HTATIP2: variants seen among roughly 807,000 people sequenced by gnomAD.
HTATIP2 encodes the protein HIV-1 Tat interactive protein 2, also known as protein HTATIP2.
Under a neutral mutation model 24.7 loss-of-function variants are expected in HTATIP2, and 26 were observed. That is an observed-to-expected ratio of 1.05 (90% CI 0.77 to 1.46). The LOEUF is 1.46. HTATIP2 is among the 40% of genes most tolerant of loss of function. The pLI, the probability that HTATIP2 is intolerant of heterozygous loss-of-function variation, is 0.00. For synonymous variants in HTATIP2, 99 were observed against 113.2 expected (o/e 0.87, Z 0.79); for missense variants, 284 against 289.6 (o/e 0.98, Z 0.14).
At chr11:20,370,672 C>T (rs902086915) in intron 2 of HTATIP2, among the ~76,000 whole-genome samples, 8 of 151,954 alleles carry the variant, frequency 5.3e-5, no homozygotes, top group Admixed American at 1.3e-4. Flanking sequence ...TTTTTTGAGA[C>T]GGAGTCTCGC....
chr11:20,382,572 A>G (rs921686212), intron 4 of HTATIP2, among the ~76,000 whole-genome samples: 2 of 152,126 alleles, frequency 1.3e-5, no homozygotes, highest in Non-Finnish European at 2.9e-5. Context: ...TAAACAACAG[A>G]AATTTTTTTT....
Position 20,383,166 on chromosome 11 carries a change from C to T in HTATIP2, c.690C>T (p.Ile230=), listed in dbSNP as rs1479725365. The T allele has an allele frequency of 3.1e-6, 5 of 1,613,944 alleles. No homozygotes were observed. The highest frequency in any genetic ancestry group is 4.2e-6 in the Non-Finnish European group (5 of 1,179,968). The change falls in exon 5 of 5, where the codon ATC becomes ATT. Residue 230 remains isoleucine, a synonymous_variant. Transcript: ENST00000451739. ...KQMELLENKA[I]HDLGKAHGSL... ...TGGAACTGCTGGAGAACAAGGCCAT[C>T]CATGACCTGGGGAAAGCGCATGGCT...
At chr11:20,380,477 C>T (rs944135102) in intron 3 of HTATIP2, among the ~76,000 whole-genome samples, 1 of 152,054 alleles carries the variant, frequency 6.6e-6, no homozygotes, top group Non-Finnish European at 1.5e-5. Flanking sequence ...TTGAGACCAT[C>T]CTGGCTAACA....
At chr11:20,380,671 CAAAA>C (rs35392320) in intron 3 of HTATIP2, among the ~76,000 whole-genome samples, 1 of 81,882 alleles carries the variant, frequency 1.2e-5, no homozygotes. Flanking sequence ...GACTCCATCT[CAAAA>C]AAAAAAAAAA....
intron 1 of HTATIP2, among the ~76,000 whole-genome samples, chr11:20,366,874 C>G (rs1018246464): frequency 6.6e-6 from 1 of 152,300 alleles, no homozygotes; most frequent in Middle Eastern, 3.4e-3. Context: ...TCAGTGGTCT[C>G]CTTCCTGGTT....
At chr11:20,365,297 A>G (rs188519904) in intron 1 of HTATIP2, among the ~76,000 whole-genome samples, 15 of 152,238 alleles carry the variant, frequency 9.9e-5, no homozygotes, top group Admixed American at 2.6e-4. Context: ...CCTAAGTTAC[A>G]CTTTTATGAT....
intron 3 of HTATIP2, among the ~76,000 whole-genome samples, chr11:20,379,667 A>G (rs1328856251): frequency 6.6e-6 from 1 of 152,200 alleles, no homozygotes; most frequent in Admixed American, 6.5e-5. Flanking sequence ...TGTGGAGCCC[A>G]GAGTACTGGA....
chr11:20,367,765 ACT>A (rs1264745317), intron 2 of HTATIP2: 1 of 656,114 alleles, frequency 1.5e-6, no homozygotes, highest in Non-Finnish European at 1.9e-6. Context: ...TCCAGCGATG[ACT>A]CAGCCTTCAG....
intron 2 of HTATIP2, among the ~76,000 whole-genome samples, chr11:20,370,048 A>C (rs2064755107): frequency 6.6e-6 from 1 of 152,226 alleles, no homozygotes; most frequent in Non-Finnish European, 1.5e-5. Flanking sequence ...GATCTACTGC[A>C]TCAGCATCTC....
Position 20,376,724 on chromosome 11 carries a change from G to T in HTATIP2, c.441+7G>T, listed in dbSNP as rs776971194. 1.3e-6 allele frequency: 2 copies of T among 1,597,382 alleles called. No individual in the cohort carries two copies. The highest frequency in any genetic ancestry group is 1.7e-6 in the Non-Finnish European group (2 of 1,174,508). ...TTTATATCTACAAGTTAAGGTTTGT[G>T]CAAGTTTCTGTTTTTCATACACTTT... On this transcript the variant is annotated splice_region_variant and intron_variant, in intron 3 of 4. Transcript: ENST00000451739.
At chr11:20,367,760 C>T (rs1259650127) in intron 2 of HTATIP2, 3 of 695,230 alleles carry the variant, frequency 4.3e-6, no homozygotes, top group African/African-American at 3.9e-5. Context: ...CAGCCTCCAG[C>T]GATGACTCAG....
At chr11:20,381,897 C>G (rs546632710) in intron 3 of HTATIP2, among the ~76,000 whole-genome samples, 11 of 152,266 alleles carry the variant, frequency 7.2e-5, no homozygotes, top group African/African-American at 2.2e-4. Flanking sequence ...GTATGACTTA[C>G]CCTCTCTGAA....
Position 20,383,419 on chromosome 11 carries a change from G to A in HTATIP2, c.*214G>A. 1 of 517,818 alleles carries A rather than the reference G, an allele frequency of 1.9e-6. No homozygotes were observed. The highest frequency in any genetic ancestry group is 3.4e-6 in the Non-Finnish European group (1 of 295,194). 32.1% of individuals were successfully genotyped at this position (517,818 alleles called of 1,614,324 possible). A position where few individuals can be genotyped will look rare whatever the true frequency, so the allele number is the denominator to read the frequency against. Reference sequence around the variant, plus strand: ...GGGAGCTTTGGAAAAATAAAGATTTGTCAGCCCTATCTCAAACTTGAATCA... The same window carrying A: ...GGGAGCTTTGGAAAAATAAAGATTTATCAGCCCTATCTCAAACTTGAATCA... On this transcript the variant is annotated 3_prime_UTR_variant, in exon 5 of 5. Coordinates refer to ENST00000451739, the MANE Select transcript of HTATIP2 (RefSeq NM_001098522.2).
rs1363937571 is a variant in HTATIP2 at position 20,367,600 on chromosome 11, T to G, written c.303+319T>G. 10 of 1,347,574 alleles carry G rather than the reference T, an allele frequency of 7.4e-6. No homozygotes were observed. The South Asian group carries it at 1.8e-4, about 24-fold the overall frequency. The allele number at this position is 1,347,574 out of a possible 1,614,324, so 83.5% of individuals were successfully genotyped here. On this transcript the variant is annotated intron_variant, in intron 2 of 4. Transcript: ENST00000451739. The stretch of plus-strand genomic sequence containing the variant: ...ATGATGTCTGAGTAAAACTAATTGG[T>G]TTATGCTGTTAACAATCAGCTGTTT...
At chr11:20,372,077 C>G (rs1442796349) in intron 2 of HTATIP2, among the ~76,000 whole-genome samples, 2 of 151,954 alleles carry the variant, frequency 1.3e-5, no homozygotes, top group South Asian at 4.2e-4. Context: ...ATAGACCCAC[C>G]CTTCTTGGAA....
intron 2 of HTATIP2, chr11:20,376,292 A>T: frequency 2.5e-6 from 1 of 393,056 alleles, no homozygotes; most frequent in East Asian, 5.3e-5. Flanking sequence ...GCCTGATCTT[A>T]CTGTTCCCTT....
In HTATIP2 at chr11:20,363,817, C is replaced by G. The variant is rs940778400; in HGVS notation, c.-421C>G. The G allele has an allele frequency of 3.2e-6, 4 of 1,245,206 alleles. No homozygotes were observed. Among genetic ancestry groups the G allele is most frequent in the Non-Finnish European group, 4.0e-6 (4 of 989,798 alleles). The allele number at this position is 1,245,206 out of a possible 1,614,324, so 77.1% of individuals were successfully genotyped here. ...AGGGAAGGTGGGATGCTCTGATGGC[C>G]GGGCCTGCGGCGCTGAGCGCGGCGG... On this transcript the variant is annotated 5_prime_UTR_variant, in exon 1 of 5. Transcript: ENST00000451739.
chr11:20,364,057 C>T lies in HTATIP2; in HGVS notation c.-181C>T. The T allele has an allele frequency of 3.7e-6, 5 of 1,359,210 alleles. No individual in the cohort carries two copies. Among genetic ancestry groups the T allele is most frequent in the Non-Finnish European group, 4.7e-6 (5 of 1,056,634 alleles). 84.2% of individuals were successfully genotyped at this position (1,359,210 alleles called of 1,614,324 possible). ...GCCCCTTCCGATGGGTCTGCTGGCTCAGGTGCGGGCGATGGCCGGGGAGCC... is the reference window on the plus strand; with the variant it reads ...GCCCCTTCCGATGGGTCTGCTGGCTTAGGTGCGGGCGATGGCCGGGGAGCC... On this transcript the variant is annotated 5_prime_UTR_variant, in exon 1 of 5. The change creates a premature stop within an existing upstream ORF in the 5' untranslated region. Transcript: ENST00000451739.
At chr11:20,366,307 A>G (rs989471730) in intron 1 of HTATIP2, among the ~76,000 whole-genome samples, 5 of 151,394 alleles carry the variant, frequency 3.3e-5, no homozygotes, top group Admixed American at 6.6e-5. Context: ...GGGTTTCACC[A>G]TGTTAGCCAG....
Sources: allele counts gnomAD v4.1 joint callset (sites outside exome capture counted in the v4.1 genomes callset), GRCh38; gene constraint gnomAD v4.1.1; transcripts MANE v1.5; gene names NCBI Gene and HGNC (gene_info 2026-07-23, HGNC 2026-07-21).